Variants in ASTN2 observed in about 807,000 individuals in gnomAD.
The protein encoded by ASTN2 is astrotactin-2.
ASTN2 carries 54 observed loss-of-function variants against 139.8 expected under a neutral mutation model. The observed-to-expected ratio is 0.39, with a 90% CI of 0.31 to 0.48. The LOEUF (loss-of-function observed/expected upper bound fraction) is 0.48. ASTN2 is among the 20% of genes least tolerant of loss of function. ASTN2 has a pLI of 0.95. For synonymous variants in ASTN2, 756 were observed against 719.5 expected (o/e 1.05, Z -0.81); for missense variants, 1,565 against 1,725.1 (o/e 0.91, Z 1.64).
At chr9:117,091,571 A>T (rs73657634) in intron 5 of ASTN2, among the ~76,000 whole-genome samples, 2,165 of 148,644 alleles carry the variant, frequency 0.015, 56 homozygotes, top group African/African-American at 0.049. Context: ...GTCTCACGTG[A>T]TGGGGGGGCA....
chr9:116,937,321 C>T (rs1835108360), intron 10 of ASTN2, among the ~76,000 whole-genome samples: 1 of 152,166 alleles, frequency 6.6e-6, no homozygotes, highest in South Asian at 2.1e-4. Context: ...TCCCTGTCAC[C>T]ACCCATCACT....
chr9:117,003,530 G>GGT lies in ASTN2; in HGVS notation c.1591+4560_1591+4561dup, dbSNP rs11271769. Among the ~76,000 whole-genome samples the GGT allele has an allele frequency of 7.9e-4, 82 of 103,184 alleles. 3 individuals are homozygous for GGT. Among genetic ancestry groups the GGT allele is most frequent in the Admixed American group, 1.6e-3 (15 of 9,244 alleles). 67.7% of individuals were successfully genotyped at this position (103,184 alleles called of 152,430 possible). On this transcript the variant is annotated intron_variant, in intron 7 of 22. Coordinates refer to ENST00000313400, the MANE Select transcript of ASTN2 (RefSeq NM_001365068.1). ...AGTGATATTTCCAGCTCTAAAGAGT[G>GGT]GTGTGTGTGTGTGTGTGTGTGTGTA...
chr9:117,328,355 A>C (rs1424992957), intron 1 of ASTN2, among the ~76,000 whole-genome samples: 1 of 152,196 alleles, frequency 6.6e-6, no homozygotes, highest in Non-Finnish European at 1.5e-5. Context: ...AATACCAAGA[A>C]GAGAAAAAAA....
intron 19 of ASTN2, among the ~76,000 whole-genome samples, chr9:116,515,741 C>A (rs1399956702): frequency 6.6e-6 from 1 of 152,100 alleles, no homozygotes; most frequent in African/African-American, 2.4e-5. Flanking sequence ...CTTAGTGACC[C>A]AAGAAGTTTT....
intron 19 of ASTN2, among the ~76,000 whole-genome samples, chr9:116,544,436 A>G (rs1852006541): frequency 6.6e-6 from 1 of 152,180 alleles, no homozygotes; most frequent in Non-Finnish European, 1.5e-5. Flanking sequence ...TGATAGTAGT[A>G]GGTCTTTCCC....
At chr9:116,603,652 A>C (rs1414243485) in intron 19 of ASTN2, among the ~76,000 whole-genome samples, 1 of 152,266 alleles carries the variant, frequency 6.6e-6, no homozygotes, top group Non-Finnish European at 1.5e-5. Context: ...CTTTTGGGGA[A>C]TAACAATGTC....
chr9:117,380,854 C>T (rs1276785603), intron 1 of ASTN2, among the ~76,000 whole-genome samples: 3 of 152,128 alleles, frequency 2.0e-5, no homozygotes, highest in Non-Finnish European at 2.9e-5. Flanking sequence ...TTGGCAGTTC[C>T]TCAAAAACTT....
intron 3 of ASTN2, among the ~76,000 whole-genome samples, chr9:117,145,047 A>C (rs1043855930): frequency 5.9e-5 from 9 of 151,960 alleles, no homozygotes; most frequent in African/African-American, 1.9e-4. Flanking sequence ...ACGTAGGTAA[A>C]CTGTGTGTCA....
At chr9:117,194,831 T>C (rs1382422536) in intron 3 of ASTN2, among the ~76,000 whole-genome samples, 1 of 152,212 alleles carries the variant, frequency 6.6e-6, no homozygotes, top group African/African-American at 2.4e-5. Flanking sequence ...CTTTATGAGA[T>C]AGATGCAAAG....
intron 16 of ASTN2, among the ~76,000 whole-genome samples, chr9:116,687,594 G>C (rs1860330885): frequency 6.7e-6 from 1 of 149,178 alleles, no homozygotes; most frequent in South Asian, 2.2e-4. Flanking sequence ...GAGATCCGAG[G>C]AGATGCAGCT....
intron 20 of ASTN2, among the ~76,000 whole-genome samples, chr9:116,476,303 TA>T (rs1314047977): frequency 6.6e-6 from 1 of 152,218 alleles, no homozygotes; most frequent in Non-Finnish European, 1.5e-5. Flanking sequence ...GATCCTTAAG[TA>T]AATACATCTG....
chr9:116,733,088 G>T (rs1394289056), intron 14 of ASTN2, among the ~76,000 whole-genome samples: 1 of 152,184 alleles, frequency 6.6e-6, no homozygotes, highest in Admixed American at 6.5e-5. Flanking sequence ...TTGTCAATGA[G>T]AATGAAAAGT....
intron 7 of ASTN2, among the ~76,000 whole-genome samples, chr9:116,982,147 G>A (rs1289488503): frequency 6.6e-6 from 1 of 152,202 alleles, no homozygotes; most frequent in East Asian, 1.9e-4. Flanking sequence ...CCAGTAGGCT[G>A]GTGAAATAGT....
chr9:117,143,806 AAGAG>A (rs1240025204), intron 3 of ASTN2, among the ~76,000 whole-genome samples: 6 of 150,056 alleles, frequency 4.0e-5, no homozygotes. Context: ...GAGAGAGAGA[AAGAG>A]AGAGAGAAAA....
At chr9:116,788,789 G>T (rs1049590649) in intron 13 of ASTN2, among the ~76,000 whole-genome samples, 2 of 151,702 alleles carry the variant, frequency 1.3e-5, no homozygotes, top group South Asian at 2.1e-4. Context: ...TATGACAAGG[G>T]GTGACAGTAA....
chr9:116,835,435 T>C (rs1831954007), intron 11 of ASTN2, among the ~76,000 whole-genome samples: 1 of 152,222 alleles, frequency 6.6e-6, no homozygotes. Flanking sequence ...TTAACATAGC[T>C]ACATCTTTTT....
chr9:117,032,465 G>T lies in ASTN2; in HGVS notation c.1423+7354C>A, dbSNP rs376736698. On this transcript the variant is annotated intron_variant, in intron 6 of 22. Coordinates refer to ENST00000313400, the MANE Select transcript of ASTN2 (RefSeq NM_001365068.1). Reference sequence around the variant, plus strand: ...ATGGAGCATTTTAAAACAAAGCCTGGGATGATTTCATAGAGCAGGATGTCC... The same window carrying T: ...ATGGAGCATTTTAAAACAAAGCCTGTGATGATTTCATAGAGCAGGATGTCC... 1.6e-4 allele frequency among the ~76,000 whole-genome samples: 24 copies of T among 152,160 alleles called. 1 individual carries two copies. Among genetic ancestry groups the T allele is most frequent in the African/African-American group, 5.5e-4 (23 of 41,544 alleles).
At chr9:116,678,712 T>C (rs1054534718) in intron 16 of ASTN2, among the ~76,000 whole-genome samples, 1 of 152,150 alleles carries the variant, frequency 6.6e-6, no homozygotes, top group Non-Finnish European at 1.5e-5. Flanking sequence ...TTTTTTTCCA[T>C]AGATTAAAAC....
chr9:116,597,776 T>C (rs1854666164), intron 19 of ASTN2, among the ~76,000 whole-genome samples: 1 of 152,146 alleles, frequency 6.6e-6, no homozygotes, highest in Non-Finnish European at 1.5e-5. Flanking sequence ...GAGGGCTGTG[T>C]TCACTAGAGT....
Sources: allele counts gnomAD v4.1 joint callset (sites outside exome capture counted in the v4.1 genomes callset), GRCh38; gene constraint gnomAD v4.1.1; transcripts MANE v1.5; gene names NCBI Gene and HGNC (gene_info 2026-07-23, HGNC 2026-07-21).